Variants in SHISA9 observed in about 807,000 individuals in gnomAD.
SHISA9 encodes shisa family member 9.
In SHISA9, 13 loss-of-function variants were observed where a neutral mutation model predicts 38.0. That is an observed-to-expected ratio of 0.34 (90% CI 0.22 to 0.54). The LOEUF (loss-of-function observed/expected upper bound fraction) is 0.54. SHISA9 is among the 20% of genes least tolerant of loss of function. SHISA9 has a pLI of 0.91. For missense variants in SHISA9, 538 were observed against 575.8 expected, an observed-to-expected ratio of 0.93 and a Z score of 0.67; for synonymous variants, 275 against 242.0, an observed-to-expected ratio of 1.14 and a Z score of -1.27.
At chr16:13,396,258 G>A in the SHISA9 span, among the ~76,000 whole-genome samples, 1 of 152,224 alleles carries the variant, frequency 6.6e-6, no homozygotes, top group Non-Finnish European at 1.5e-5. Flanking sequence ...TGTAATCCCA[G>A]CATTTTGGGA....
chr16:13,226,114 A>T (rs562670915), intron 4 of SHISA9, among the ~76,000 whole-genome samples: 1 of 152,320 alleles, frequency 6.6e-6, no homozygotes, highest in South Asian at 2.1e-4. Context: ...TTAATATACT[A>T]AGACAGGGAC....
At chr16:13,128,480 GC>G (rs1364581985) in intron 2 of SHISA9, among the ~76,000 whole-genome samples, 1 of 151,974 alleles carries the variant, frequency 6.6e-6, no homozygotes, top group Non-Finnish European at 1.5e-5. Flanking sequence ...ACCTCTCTAA[GC>G]CTAAATTTTC....
chr16:13,376,254 G>A, the SHISA9 span, among the ~76,000 whole-genome samples: 4 of 152,212 alleles, frequency 2.6e-5, no homozygotes, highest in Admixed American at 2.6e-4. Context: ...TTAGGGAGTG[G>A]CAGTAAATAT....
At chr16:13,395,932 T>C in the SHISA9 span, among the ~76,000 whole-genome samples, 4 of 152,136 alleles carry the variant, frequency 2.6e-5, no homozygotes, top group Admixed American at 6.5e-5. Flanking sequence ...ACTTCAAAGG[T>C]AGGAGCAGAG....
intron 2 of SHISA9, among the ~76,000 whole-genome samples, chr16:12,977,221 T>A (rs1485187049): frequency 1.3e-5 from 2 of 152,092 alleles, no homozygotes; most frequent in Non-Finnish European, 1.5e-5. Flanking sequence ...AATCCTATAG[T>A]AGGCACTGGG....
chr16:13,474,834 C>A, the SHISA9 span, among the ~76,000 whole-genome samples: 1 of 151,942 alleles, frequency 6.6e-6, no homozygotes, highest in African/African-American at 2.4e-5. Flanking sequence ...GTGCAAAAGG[C>A]CTTGAATTGA....
chr16:13,119,936 G>A (rs75289123), intron 2 of SHISA9, among the ~76,000 whole-genome samples: 6,361 of 152,204 alleles, frequency 0.042, 243 homozygotes, highest in East Asian at 0.17. Flanking sequence ...TTTTAGAAGA[G>A]GAGTGGTGGA....
chr16:12,959,468 C>T (rs2071879802), intron 2 of SHISA9, among the ~76,000 whole-genome samples: 1 of 152,180 alleles, frequency 6.6e-6, no homozygotes, highest in Non-Finnish European at 1.5e-5. Context: ...TGGAATCACC[C>T]CTCTACTGTC....
At chr16:13,350,954 G>A in the SHISA9 span, among the ~76,000 whole-genome samples, 17 of 152,264 alleles carry the variant, frequency 1.1e-4, no homozygotes, top group Admixed American at 4.6e-4. Flanking sequence ...ATTTTCTACC[G>A]ACAGTACTTC....
the SHISA9 span, among the ~76,000 whole-genome samples, chr16:13,354,948 C>T: frequency 6.6e-6 from 1 of 151,016 alleles, no homozygotes; most frequent in African/African-American, 2.4e-5. Context: ...GCAGTACAGC[C>T]CAGGTAATTT....
chr16:12,914,117 C>G (rs1380763510), intron 1 of SHISA9, among the ~76,000 whole-genome samples: 1 of 148,064 alleles, frequency 6.8e-6, no homozygotes, highest in Non-Finnish European at 1.5e-5. Context: ...GCGATCTCGG[C>G]TCACTGCAAC....
chr16:13,003,938 C>G (rs2141844555), intron 2 of SHISA9, among the ~76,000 whole-genome samples: 1 of 152,150 alleles, frequency 6.6e-6, no homozygotes, highest in South Asian at 2.1e-4. Context: ...TTCTAGGTGA[C>G]AGGACTAATT....
chr16:13,234,476 A>G lies in SHISA9; in HGVS notation c.896-554A>G, dbSNP rs566243556. Among the ~76,000 whole-genome samples the G allele has an allele frequency of 2.6e-5, 4 of 152,360 alleles. No homozygotes were observed. In the South Asian group the frequency reaches 8.3e-4, roughly 32 times the overall value. On this transcript the variant is annotated intron_variant, in intron 4 of 4. Transcript: ENST00000558583. Reference sequence around the variant, plus strand: ...AGGTTAAGCTGCTGGCAGGTGTCACAGTTGAAATGTGAATACAGGTCTGGT... The same window carrying G: ...AGGTTAAGCTGCTGGCAGGTGTCACGGTTGAAATGTGAATACAGGTCTGGT...
At chr16:13,514,375 GAATA>G in the SHISA9 span, among the ~76,000 whole-genome samples, 2 of 151,828 alleles carry the variant, frequency 1.3e-5, no homozygotes, top group African/African-American at 4.8e-5. Flanking sequence ...ATCAATAAGA[GAATA>G]AATAATCAAT....
intron 2 of SHISA9, among the ~76,000 whole-genome samples, chr16:12,991,506 T>A (rs1245362272): frequency 6.6e-6 from 1 of 152,208 alleles, no homozygotes; most frequent in African/African-American, 2.4e-5. Flanking sequence ...TGAAAGTACC[T>A]GAAGTTTGGA....
intron 2 of SHISA9, among the ~76,000 whole-genome samples, chr16:13,148,689 G>GCACACACACACACACACA (rs3075124): frequency 7.6e-6 from 1 of 132,442 alleles, no homozygotes; most frequent in African/African-American, 3.2e-5. Context: ...ACATACACAA[G>GCACACACACACACACACA]CACACACACA....
downstream of SHISA9, among the ~76,000 whole-genome samples, chr16:13,245,329 C>T (rs1385622215): frequency 6.6e-6 from 1 of 152,182 alleles, no homozygotes; most frequent in Non-Finnish European, 1.5e-5. Flanking sequence ...CTGAATTCTA[C>T]CCACAAATCC....
intron 2 of SHISA9, among the ~76,000 whole-genome samples, chr16:12,997,474 T>G (rs1186752322): frequency 1.3e-5 from 2 of 150,922 alleles, no homozygotes; most frequent in African/African-American, 2.4e-5. Flanking sequence ...TGGTGCGATC[T>G]CAGGTCACTG....
At chr16:13,337,393 T>C in the SHISA9 span, among the ~76,000 whole-genome samples, 1 of 152,136 alleles carries the variant, frequency 6.6e-6, no homozygotes, top group Non-Finnish European at 1.5e-5. Context: ...GAGACGTGCC[T>C]TTCACCTTCT....
Sources: gnomAD v4.1 joint callset for allele counts (sites outside exome capture counted in the v4.1 genomes callset) on GRCh38, gnomAD v4.1.1 for gene constraint, MANE v1.5 for transcripts, NCBI Gene and HGNC (gene_info 2026-07-23, HGNC 2026-07-21) for gene names.